The following PPFIBP1 variants were observed in gnomAD, a reference collection of about 807,000 sequenced individuals.
The protein encoded by PPFIBP1 is liprin-beta-1.
Under a neutral mutation model 137.8 loss-of-function variants are expected in PPFIBP1, and 112 were observed. The observed-to-expected ratio is 0.81, with a 90% CI of 0.70 to 0.95. PPFIBP1 has a LOEUF of 0.95. PPFIBP1 is among the 40% of genes least tolerant of loss of function. The probability of loss-of-function intolerance (pLI) is 0.00; values close to 1 mark genes in which losing one functional copy is unlikely to be tolerated. For synonymous variants in PPFIBP1, 378 were observed against 417.3 expected, an observed-to-expected ratio of 0.91 and a Z score of 1.15; for missense variants, 1,083 against 1,196.6, an observed-to-expected ratio of 0.91 and a Z score of 1.40.
At chr12:27,545,111 T>G (rs1323286839) in intron 1 of PPFIBP1, among the ~76,000 whole-genome samples, 1 of 152,130 alleles carries the variant, frequency 6.6e-6, no homozygotes, top group South Asian at 2.1e-4. Flanking sequence ...GAAACCATCA[T>G]TCTCAGCAAA....
chr12:27,551,933 C>T (rs1946828162), intron 1 of PPFIBP1, among the ~76,000 whole-genome samples: 1 of 152,216 alleles, frequency 6.6e-6, no homozygotes, highest in South Asian at 2.1e-4. Flanking sequence ...GCCTTCAGAA[C>T]ATCAAATCAT....
intron 2 of PPFIBP1, among the ~76,000 whole-genome samples, chr12:27,632,646 A>G (rs2057343401): frequency 6.6e-6 from 1 of 152,200 alleles, no homozygotes; most frequent in Non-Finnish European, 1.5e-5. Context: ...TTAGAAACTG[A>G]ACTTCGCTAT....
At chr12:27,637,853 G>T (rs901243112) in intron 4 of PPFIBP1, among the ~76,000 whole-genome samples, 1 of 152,158 alleles carries the variant, frequency 6.6e-6, no homozygotes, top group Non-Finnish European at 1.5e-5. Flanking sequence ...TTAGTAATTT[G>T]CTGATAATAT....
intron 2 of PPFIBP1, among the ~76,000 whole-genome samples, chr12:27,617,370 T>A (rs889953863): frequency 6.6e-6 from 1 of 152,182 alleles, no homozygotes; most frequent in African/African-American, 2.4e-5. Context: ...GTCCACAAGA[T>A]GGACTTAATT....
At position 27,667,265 on chromosome 12, in the gene PPFIBP1, C is replaced by T. The variant is rs763707181; in HGVS notation, c.1091C>T (p.Thr364Ile). ...FSDLEKSPSP[T>I]PVMGSPSCDP... Reference sequence around the variant, plus strand: ...GATCTGGAGAAAAGTCCATCACCCACTCCAGTAATGGGATCTCCCAGTTGT... The same window carrying T: ...GATCTGGAGAAAAGTCCATCACCCATTCCAGTAATGGGATCTCCCAGTTGT... The change falls in exon 13 of 30, where the codon ACT (threonine) becomes ATT (isoleucine). Residue 364 changes from threonine (T) to isoleucine (I), a missense_variant. Transcript: ENST00000228425. 1.2e-6 allele frequency: 2 copies of T among 1,613,568 alleles called. No homozygotes were observed.
At chr12:27,599,017 TG>T (rs1165785795) in intron 2 of PPFIBP1, among the ~76,000 whole-genome samples, 2 of 152,234 alleles carry the variant, frequency 1.3e-5, no homozygotes, top group Non-Finnish European at 2.9e-5. Flanking sequence ...AACTAAGAAT[TG>T]GAACACTTCC....
chr12:27,647,372 A>G (rs2058585094), intron 5 of PPFIBP1, among the ~76,000 whole-genome samples: 1 of 151,906 alleles, frequency 6.6e-6, no homozygotes, highest in Non-Finnish European at 1.5e-5. Flanking sequence ...GATAATTTCT[A>G]TTTCAAACAT....
intron 12 of PPFIBP1, among the ~76,000 whole-genome samples, chr12:27,666,107 TAAAGA>T (rs1667172094): frequency 9.9e-6 from 1 of 101,076 alleles, no homozygotes; most frequent in South Asian, 4.7e-4. Context: ...ATTTGGAAAA[TAAAGA>T]AAAGAGATAA....
At chr12:27,586,137 T>A (rs887511615) in intron 2 of PPFIBP1, among the ~76,000 whole-genome samples, 1 of 152,180 alleles carries the variant, frequency 6.6e-6, no homozygotes, top group Non-Finnish European at 1.5e-5. Flanking sequence ...ACTGTTAGTG[T>A]TGCAGTTTGT....
intron 6 of PPFIBP1, among the ~76,000 whole-genome samples, 177 bp from the exon 7 acceptor site, chr12:27,649,833 T>C (rs891093243): frequency 6.6e-6 from 1 of 152,222 alleles, no homozygotes; most frequent in African/African-American, 2.4e-5. Context: ...ATTACAGGCA[T>C]GAGCCACTGT....
chr12:27,537,280 T>C (rs531969656), intron 1 of PPFIBP1, among the ~76,000 whole-genome samples: 2 of 152,208 alleles, frequency 1.3e-5, no homozygotes, highest in East Asian at 3.9e-4. Flanking sequence ...TACAGATGCC[T>C]GCCACCACGT....
chr12:27,692,648 A>T lies in PPFIBP1; in HGVS notation c.2923A>T (p.Asn975Tyr). 1 of 1,614,124 alleles carries T rather than the reference A, an allele frequency of 6.2e-7. No individual in the cohort carries two copies. Among genetic ancestry groups the T allele is most frequent in the Non-Finnish European group, 8.5e-7 (1 of 1,179,972 alleles). The change falls in exon 29 of 30, where the codon AAT becomes TAT. Residue 975 changes from asparagine to tyrosine, a missense_variant. Asn to Tyr is a moderately radical substitution (Grantham distance 143, BLOSUM62 -2). Transcript: ENST00000228425. ...QIGAFSEGIN[N>Y]LTHMLKEDDM... ...AGGTGCATTCTCTGAAGGCATCAACAATCTGACGGTGAGTTTGTGAAATGA... is the reference window on the plus strand; with the variant it reads ...AGGTGCATTCTCTGAAGGCATCAACTATCTGACGGTGAGTTTGTGAAATGA...
In PPFIBP1 at chr12:27,664,445, A is replaced by C. The variant is rs763176115; in HGVS notation, c.990A>C (p.Lys330Asn). 1 of 1,606,218 alleles carries C rather than the reference A, an allele frequency of 6.2e-7. No individual in the cohort carries two copies. Among genetic ancestry groups the C allele is most frequent in the Non-Finnish European group, 8.5e-7 (1 of 1,175,310 alleles). Residue 330 changes from lysine (K) to asparagine (N), a missense_variant and splice_region_variant, in exon 12 of 30, where the codon AAA becomes AAC. Transcript: ENST00000228425. The stretch of plus-strand genomic sequence containing the variant: ...CGGTGGTACTGGCCCAAGGTAAAAA[A>C]GGTAGAGTGTAGCTCTAAAAGTTTT... ...QDTVVLAQGK[K>N]GKDGEYEELL...
At chr12:27,590,606 A>G (rs186287117) in intron 2 of PPFIBP1, among the ~76,000 whole-genome samples, 10 of 152,338 alleles carry the variant, frequency 6.6e-5, no homozygotes, top group Admixed American at 6.5e-4. Flanking sequence ...GTGGCAGAGC[A>G]GGGACTAGGG....
At chr12:27,657,933 C>A (rs2059311068) in intron 9 of PPFIBP1, among the ~76,000 whole-genome samples, 1 of 151,768 alleles carries the variant, frequency 6.6e-6, no homozygotes, top group Non-Finnish European at 1.5e-5. Flanking sequence ...CACAATGAGA[C>A]CCTGTCTCTA....
At chr12:27,594,664 A>G (rs1243021522) in intron 2 of PPFIBP1, among the ~76,000 whole-genome samples, 2 of 152,244 alleles carry the variant, frequency 1.3e-5, no homozygotes, top group Non-Finnish European at 2.9e-5. Flanking sequence ...AAGATCTTGT[A>G]TCATAAAAGA....
intron 2 of PPFIBP1, among the ~76,000 whole-genome samples, chr12:27,611,075 C>G (rs140088659): frequency 0.01 from 1,578 of 152,264 alleles, 16 homozygotes; most frequent in Non-Finnish European, 0.013. Context: ...CAAGTAATCA[C>G]TCTGTAAATG....
In PPFIBP1 at chr12:27,694,215, T is replaced by G. The variant is rs2061682435; in HGVS notation, c.*1333T>G. 1 of 144,260 alleles carries G rather than the reference T, an allele frequency of 6.9e-6. No homozygotes were observed. Among genetic ancestry groups the G allele is most frequent in the Non-Finnish European group, 1.5e-5 (1 of 65,448 alleles). 8.9% of individuals were successfully genotyped at this position (144,260 alleles called of 1,614,324 possible). On this transcript the variant is annotated 3_prime_UTR_variant, in exon 30 of 30. Transcript: ENST00000228425. ...TTTTTGTAGAAACAGGGTCTCACCA[T>G]GTTGTCCAGCCTGGTCTCAAACTCC...
intron 2 of PPFIBP1, among the ~76,000 whole-genome samples, chr12:27,580,694 A>G (rs1350081462): frequency 6.6e-6 from 1 of 152,170 alleles, no homozygotes; most frequent in Non-Finnish European, 1.5e-5. Context: ...AGATTTTTCT[A>G]CTTGCCTCAC....
Sources: allele counts gnomAD v4.1 joint callset (sites outside exome capture counted in the v4.1 genomes callset), GRCh38; gene constraint gnomAD v4.1.1; transcripts MANE v1.5; gene names NCBI Gene and HGNC (gene_info 2026-07-23, HGNC 2026-07-21).